The following TSPAN8 variants were observed in gnomAD, a reference collection of about 807,000 sequenced individuals.
TSPAN8 encodes the protein tetraspanin-8.
TSPAN8 carries 21 observed loss-of-function variants against 32.8 expected under a neutral mutation model. That is an observed-to-expected ratio of 0.64 (90% CI 0.45 to 0.92). TSPAN8 has a LOEUF of 0.92. Ranked by LOEUF, TSPAN8 falls within the 40% of genes least tolerant of loss-of-function variation. The pLI, the probability that TSPAN8 is intolerant of heterozygous loss-of-function variation, is 0.00. For synonymous variants in TSPAN8, 95 were observed against 94.6 expected (o/e 1.00, Z -0.03); for missense variants, 269 against 281.9 (o/e 0.95, Z 0.33).
At chr12:71,144,045 A>C in intron 3 of TSPAN8, 106 bp downstream of exon 3, 1 of 955,322 alleles carries the variant, frequency 1.0e-6, no homozygotes, top group South Asian at 1.7e-5. Context: ...GAAGCAGTTA[A>C]GAAAAATGTT....
At chr12:71,126,225 C>T (rs1158844057) in intron 8 of TSPAN8, among the ~76,000 whole-genome samples, 1 of 152,194 alleles carries the variant, frequency 6.6e-6, no homozygotes, top group Admixed American at 6.6e-5. Context: ...TGCTTACTAA[C>T]ACTTTCCTGG....
intron 2 of TSPAN8, 95 bp from the exon 3 acceptor site, chr12:71,144,308 T>C: frequency 9.5e-7 from 1 of 1,053,324 alleles, no homozygotes; most frequent in Non-Finnish European, 1.4e-6. Context: ...CAGTAGTTCA[T>C]CATCGACTAT....
At chr12:71,132,663 T>C in intron 7 of TSPAN8, 30 bp downstream of exon 7, 1 of 1,607,806 alleles carries the variant, frequency 6.2e-7, no homozygotes, top group Non-Finnish European at 8.5e-7. Context: ...ACAGAATTGC[T>C]TATTGTACCA....
intron 4 of TSPAN8, among the ~76,000 whole-genome samples, chr12:71,138,900 A>T (rs1871801132): frequency 6.6e-6 from 1 of 152,132 alleles, no homozygotes; most frequent in Admixed American, 6.5e-5. Context: ...TTACTTTATT[A>T]GAGGAATAAG....
At chr12:71,133,531 G>A (rs146907371) in intron 6 of TSPAN8, among the ~76,000 whole-genome samples, 2 of 152,178 alleles carry the variant, frequency 1.3e-5, no homozygotes, top group Non-Finnish European at 2.9e-5. Context: ...TCCACTCCAT[G>A]ATCTCTGATC....
chr12:71,156,925 G>T (rs1447162067), intron 2 of TSPAN8: 1 of 152,146 alleles, frequency 6.6e-6, no homozygotes, highest in Non-Finnish European at 1.5e-5. Flanking sequence ...TCTATTGATA[G>T]ATATCAGTTA....
At chr12:71,145,351 G>A (rs148562161) in intron 2 of TSPAN8, among the ~76,000 whole-genome samples, 119 of 152,096 alleles carry the variant, frequency 7.8e-4, no homozygotes, top group East Asian at 1.2e-3. Context: ...AATCCTGGGC[G>A]CTAATTATTA....
intron 2 of TSPAN8, among the ~76,000 whole-genome samples, chr12:71,155,845 C>T (rs968435005): frequency 6.6e-6 from 1 of 151,908 alleles, no homozygotes; most frequent in African/African-American, 2.4e-5. Flanking sequence ...AATTCTCCTG[C>T]CTCAGCCTCC....
intron 4 of TSPAN8, chr12:71,139,334 C>A (rs1871818434): frequency 4.5e-6 from 2 of 447,978 alleles, no homozygotes; most frequent in African/African-American, 3.9e-5. Context: ...ATCCCATCCC[C>A]TGTCTTGCCC....
At chr12:71,147,287 G>A (rs1872107257) in intron 2 of TSPAN8, among the ~76,000 whole-genome samples, 1 of 152,132 alleles carries the variant, frequency 6.6e-6, no homozygotes, top group Non-Finnish European at 1.5e-5. Context: ...TTGATAATGT[G>A]TCTCCAATCA....
chr12:71,125,675 T>C (rs749377742), intron 8 of TSPAN8, among the ~76,000 whole-genome samples: 9 of 152,146 alleles, frequency 5.9e-5, no homozygotes, highest in Non-Finnish European at 1.0e-4. Flanking sequence ...CCAGAGGACC[T>C]ACTCCCTTTT....
intron 7 of TSPAN8, among the ~76,000 whole-genome samples, chr12:71,131,061 T>G (rs1197255221): frequency 6.6e-6 from 1 of 152,184 alleles, no homozygotes; most frequent in Non-Finnish European, 1.5e-5. Context: ...GAATCTGTCT[T>G]GAGGAAAAAC....
intron 2 of TSPAN8, among the ~76,000 whole-genome samples, chr12:71,146,856 C>CA (rs1262384534): frequency 6.6e-6 from 1 of 152,166 alleles, no homozygotes; most frequent in Non-Finnish European, 1.5e-5. Context: ...CCCTAACCTC[C>CA]AATGTATCTG....
chr12:71,129,505 C>T, intron 7 of TSPAN8, 91 bp from the exon 8 acceptor site: 1 of 1,285,508 alleles, frequency 7.8e-7, no homozygotes, highest in Non-Finnish European at 1.0e-6. Flanking sequence ...TGACTTTTTA[C>T]ATTGCTATCA....
chr12:71,149,584 A>G (rs1872182224), intron 2 of TSPAN8, among the ~76,000 whole-genome samples: 1 of 152,244 alleles, frequency 6.6e-6, no homozygotes, highest in African/African-American at 2.4e-5. Flanking sequence ...CCCCAAACAG[A>G]GGGACTGGCT....
At chr12:71,149,946 A>G (rs754508086) in intron 2 of TSPAN8, among the ~76,000 whole-genome samples, 4 of 152,224 alleles carry the variant, frequency 2.6e-5, no homozygotes, top group Non-Finnish European at 5.9e-5. Context: ...ACGGACATGC[A>G]AGTAGGGAAG....
chr12:71,153,039 G>A (rs1431620545), intron 2 of TSPAN8, among the ~76,000 whole-genome samples: 2 of 152,004 alleles, frequency 1.3e-5, no homozygotes, highest in Non-Finnish European at 2.9e-5. Context: ...GACTCATTTG[G>A]GATTGATAGT....
chr12:71,125,313 T>C lies in TSPAN8; in HGVS notation c.*21A>G, dbSNP rs781711544. 3.0e-5 allele frequency: 49 copies of C among 1,606,974 alleles called. No individual in the cohort carries two copies. Among genetic ancestry groups the C allele is most frequent in the South Asian group, 2.9e-4 (26 of 89,918 alleles). ...CATTTTAAAGGGGTTTGACTGACGATAGGTTGATGCATCCACAGATTCATT... is the reference window on the plus strand; with the variant it reads ...CATTTTAAAGGGGTTTGACTGACGACAGGTTGATGCATCCACAGATTCATT... On this transcript the variant is annotated 3_prime_UTR_variant, in exon 9 of 9. Transcript: ENST00000247829.
intron 2 of TSPAN8, among the ~76,000 whole-genome samples, chr12:71,156,451 TTTTTTTAACCTAAAAACAGCAGCCCA>T (rs1047905241): frequency 1.2e-4 from 13 of 111,530 alleles, no homozygotes; most frequent in Non-Finnish European, 1.6e-4. Context: ...AAGCAGCCCA[TTTTTTTAACCTAAAAACAGCAGCCCA>T]TTTTTTTTGC....
Sources: allele counts gnomAD v4.1 joint callset (sites outside exome capture counted in the v4.1 genomes callset), GRCh38; gene constraint gnomAD v4.1.1; transcripts MANE v1.5; gene names NCBI Gene and HGNC (gene_info 2026-07-23, HGNC 2026-07-21).